WDHD1: variants seen among roughly 807,000 people sequenced by gnomAD.
WDHD1 encodes the protein WD repeat and HMG-box DNA-binding protein 1.
Under a neutral mutation model 135.4 loss-of-function variants are expected in WDHD1, and 111 were observed. The observed-to-expected ratio is 0.82, with a 90% CI of 0.70 to 0.96. The LOEUF is 0.96. Among genes scored for constraint, WDHD1 ranks in the 40% least tolerant of loss-of-function variants. The pLI is 0.00. For synonymous variants in WDHD1, 434 were observed against 439.0 expected (o/e 0.99, Z 0.14); for missense variants, 1,351 against 1,336.3 (o/e 1.01, Z -0.17).
chr14:54,997,964 C>A (rs2041913336), intron 10 of WDHD1, among the ~76,000 whole-genome samples: 1 of 151,640 alleles, frequency 6.6e-6, no homozygotes, highest in Admixed American at 6.6e-5. Flanking sequence ...GTAACCCTAG[C>A]ACTTTGGGGG....
intron 16 of WDHD1, among the ~76,000 whole-genome samples, chr14:54,980,748 G>T (rs1231043273): frequency 2.1e-5 from 3 of 140,592 alleles, no homozygotes; most frequent in Non-Finnish European, 4.5e-5. Context: ...AGGTTGTAGT[G>T]AACTGAGATC....
At chr14:54,989,510 T>C (rs2140200210) in intron 12 of WDHD1, among the ~76,000 whole-genome samples, 1 of 152,256 alleles carries the variant, frequency 6.6e-6, no homozygotes, top group Non-Finnish European at 1.5e-5. Context: ...TAAAAGCACA[T>C]TACAGTTGTC....
intron 23 of WDHD1, among the ~76,000 whole-genome samples, chr14:54,956,757 T>A (rs1244315094): frequency 1.3e-5 from 2 of 152,136 alleles, no homozygotes; most frequent in Non-Finnish European, 2.9e-5. Context: ...ACAACTGTTT[T>A]GGGGTTTGTT....
At chr14:54,943,842 TA>T (rs530532264) in intron 25 of WDHD1, among the ~76,000 whole-genome samples, 90 of 136,134 alleles carry the variant, frequency 6.6e-4, no homozygotes, top group East Asian at 8.4e-4. Flanking sequence ...GTTGTCTCTA[TA>T]AAAAAAAAAA....
intron 16 of WDHD1, among the ~76,000 whole-genome samples, chr14:54,967,772 C>A (rs1299216100): frequency 6.6e-6 from 1 of 152,120 alleles, no homozygotes; most frequent in Non-Finnish European, 1.5e-5. Flanking sequence ...AGATATATGC[C>A]ACCATGCCTG....
At chr14:54,979,871 T>C (rs560651433) in intron 16 of WDHD1, among the ~76,000 whole-genome samples, 2 of 152,374 alleles carry the variant, frequency 1.3e-5, no homozygotes, top group African/African-American at 4.8e-5. Context: ...ATTCTTATTC[T>C]TTCCCCACTT....
intron 24 of WDHD1, among the ~76,000 whole-genome samples, chr14:54,953,691 T>C (rs1269862559): frequency 6.6e-6 from 1 of 152,202 alleles, no homozygotes; most frequent in Non-Finnish European, 1.5e-5. Flanking sequence ...ATTGTGGCAC[T>C]ATTCACAATA....
chr14:55,007,240 A>G (rs2042087845), intron 7 of WDHD1, 40 bp downstream of exon 7: 1 of 1,476,398 alleles, frequency 6.8e-7, no homozygotes, highest in Non-Finnish European at 9.1e-7. Flanking sequence ...ATAAAAAAAA[A>G]AAAAAAAAAG....
chr14:54,978,638 T>C (rs1444460429), intron 16 of WDHD1, among the ~76,000 whole-genome samples: 4 of 151,528 alleles, frequency 2.6e-5, no homozygotes, highest in Non-Finnish European at 5.9e-5. Flanking sequence ...AATATGTCAA[T>C]ATTTAGAATG....
chr14:54,971,662 C>T (rs2041434838), intron 16 of WDHD1, among the ~76,000 whole-genome samples: 1 of 143,100 alleles, frequency 7.0e-6, no homozygotes, highest in African/African-American at 2.6e-5. Flanking sequence ...GAGCCATGAT[C>T]TCATCTCACC....
In WDHD1 at chr14:55,001,901, T is replaced by C. The variant is rs113680438; in HGVS notation, c.693+192A>G. On this transcript the variant is annotated intron_variant, in intron 8 of 25. Transcript: ENST00000360586. ...CTATGCAAGGGTTAAATCTGACTTC[T>C]TATAACAAAGACCTATTTAGTATCC... 8.1e-3 allele frequency among the ~76,000 whole-genome samples: 1,237 copies of C among 152,344 alleles called. 15 individuals are homozygous for C. The highest frequency in any genetic ancestry group is 0.028 in the African/African-American group (1,185 of 41,582).
At chr14:55,013,719 A>G in intron 2 of WDHD1, 123 bp from the exon 3 acceptor site, 2 of 721,028 alleles carry the variant, frequency 2.8e-6, no homozygotes, top group Non-Finnish European at 4.8e-6. Context: ...TAGCCTGGAT[A>G]ATACAGAGAG....
Position 54,963,142 on chromosome 14 carries a change from A to G in WDHD1, c.2341T>C (p.Cys781Arg). 7.8e-7 allele frequency: 1 copy of G among 1,285,460 alleles called. No individual in the cohort carries two copies. 79.6% of individuals were successfully genotyped at this position (1,285,460 alleles called of 1,614,324 possible). A position where few individuals can be genotyped will look rare whatever the true frequency, so the allele number is the denominator to read the frequency against. ...GTCATTAGATCAGCAAGTTCCACAC[A>G]ACGGAATTCTCGCTCCAGTTTACAA... ...LSCKLEREFR[C>R]VELADLMTQN... The change falls in exon 19 of 26, where the codon TGT (cysteine) becomes CGT (arginine). Residue 781 changes from cysteine to arginine, a missense_variant. This residue lies in a region of WDHD1 where 1,330 missense variants were observed against 1,296.1 expected (regional missense o/e 1.03). Coordinates refer to ENST00000360586, the MANE Select transcript of WDHD1 (RefSeq NM_007086.4).
chr14:54,984,480 G>A (rs901505263), intron 15 of WDHD1, among the ~76,000 whole-genome samples: 3 of 152,158 alleles, frequency 2.0e-5, no homozygotes, highest in African/African-American at 4.8e-5. Flanking sequence ...GGACAACAGA[G>A]CCAGACCCTG....
Position 55,026,905 on chromosome 14 carries a change from G to C in WDHD1, c.-16-102C>G, listed in dbSNP as rs2042456217. 2.8e-5 allele frequency: 31 copies of C among 1,120,632 alleles called. No homozygotes were observed. The South Asian group carries it at 3.8e-4, about 14-fold the overall frequency. 69.4% of individuals were successfully genotyped at this position (1,120,632 alleles called of 1,614,324 possible). ...TAGTCTCCTCTAGGGCCCGTTCTCC[G>C]CAGCCCGGTTTCCCCCACCCGAGTG... On this transcript the variant is annotated intron_variant, in intron 1 of 25. Coordinates refer to ENST00000360586, the MANE Select transcript of WDHD1 (RefSeq NM_007086.4).
In WDHD1 at chr14:54,989,417, T is replaced by TGA. The variant is rs1196440641; in HGVS notation, c.1342-207_1342-206dup. ...CTACAATTACTTATTATTTCCTTGGTGAGAATAAGATACATATATACTTAT... is the reference window on the plus strand; with the variant it reads ...CTACAATTACTTATTATTTCCTTGGTGAGAGAATAAGATACATATATACTTAT... On this transcript the variant is annotated intron_variant, in intron 12 of 25. Transcript: ENST00000360586. Among the ~76,000 whole-genome samples, 11 of 152,250 alleles carry TGA rather than the reference T, an allele frequency of 7.2e-5. No individual in the cohort carries two copies. In the East Asian group the frequency reaches 2.1e-3, roughly 29 times the overall value.
chr14:54,941,435 T>C lies in WDHD1; in HGVS notation c.*55A>G. ...TGAGTTTCCCAAAGACTCGAGTCTA[T>C]ATTCAAAGATGAGTAAAAAAAAATC... On this transcript the variant is annotated 3_prime_UTR_variant, in exon 26 of 26. Coordinates refer to ENST00000360586, the MANE Select transcript of WDHD1 (RefSeq NM_007086.4). 1 of 1,450,164 alleles carries C rather than the reference T, an allele frequency of 6.9e-7. No individual in the cohort carries two copies. Among genetic ancestry groups the C allele is most frequent in the South Asian group, 1.3e-5 (1 of 77,176 alleles). The allele number at this position is 1,450,164 out of a possible 1,614,324, so 89.8% of individuals were successfully genotyped here.
intron 25 of WDHD1, 111 bp from the exon 26 acceptor site, chr14:54,941,801 T>C (rs1317022030): frequency 4.3e-6 from 4 of 938,786 alleles, no homozygotes; most frequent in Admixed American, 3.0e-5. Context: ...AGCAGAATAA[T>C]TAGCACTTGA....
At chr14:55,003,325 C>T (rs919223347) in intron 7 of WDHD1, among the ~76,000 whole-genome samples, 1 of 151,780 alleles carries the variant, frequency 6.6e-6, no homozygotes, top group Non-Finnish European at 1.5e-5. Context: ...GCCTGAGCAA[C>T]ATAATGAGAC....
Sources: allele counts gnomAD v4.1 joint callset (sites outside exome capture counted in the v4.1 genomes callset), GRCh38; gene constraint gnomAD v4.1.1; regional missense constraint gnomAD v4.1.1; transcripts MANE v1.5; gene names NCBI Gene and HGNC (gene_info 2026-07-23, HGNC 2026-07-21).